CFAP74: variants seen among roughly 807,000 people sequenced by gnomAD.
CFAP74 encodes cilia- and flagella-associated protein 74.
CFAP74 carries 124 observed loss-of-function variants against 188.9 expected under a neutral mutation model. That is an observed-to-expected ratio of 0.66 (90% confidence interval 0.57 to 0.76). The LOEUF is 0.76. CFAP74 is among the 30% of genes least tolerant of loss of function. CFAP74 has a pLI of 0.00. For missense variants in CFAP74, 2,198 were observed against 2,165.2 expected, an observed-to-expected ratio of 1.02 and a Z score of -0.30; for synonymous variants, 956 against 916.7, an observed-to-expected ratio of 1.04 and a Z score of -0.77.
chr1:1,939,010 G>C (rs531970824), intron 24 of CFAP74, 22 bp from the exon 25 acceptor site: 1 of 1,534,416 alleles, frequency 6.5e-7, no homozygotes, highest in Admixed American at 2.0e-5. Flanking sequence ...AGAGTGCTCT[G>C]AGGGCATGTC....
chr1:1,984,462 G>A (rs1050974624), intron 6 of CFAP74: 1 of 152,292 alleles, frequency 6.6e-6, no homozygotes, highest in Admixed American at 6.5e-5. Flanking sequence ...GTGTCGCAGG[G>A]GACAGTGTTC....
intron 34 of CFAP74, among the ~76,000 whole-genome samples, chr1:1,924,145 C>T (rs1390491370): frequency 1.2e-5 from 1 of 85,970 alleles, no homozygotes; most frequent in East Asian, 4.3e-4. Flanking sequence ...TCACTGCCCA[C>T]CCCCCCAGCT....
chr1:1,948,594 G>C (rs200300317), intron 18 of CFAP74, among the ~76,000 whole-genome samples: 1 of 122,074 alleles, frequency 8.2e-6, no homozygotes, highest in Non-Finnish European at 1.6e-5. Flanking sequence ...CTTTCTTCTT[G>C]TTTTTTTTTT....
At chr1:1,931,423 C>T (rs1652360689) in intron 25 of CFAP74, among the ~76,000 whole-genome samples, 1 of 97,108 alleles carries the variant, frequency 1.0e-5, no homozygotes, top group Non-Finnish European at 2.0e-5. Context: ...GAGCAAGACC[C>T]CATCTCAATA....
chr1:1,989,446 T>C (rs1657446248), intron 2 of CFAP74, among the ~76,000 whole-genome samples: 1 of 152,192 alleles, frequency 6.6e-6, no homozygotes. Context: ...CCACTCCCTT[T>C]GGACCTCAAC....
At chr1:1,964,704 C>T (rs868165803) in intron 13 of CFAP74, among the ~76,000 whole-genome samples, 184 bp downstream of exon 13, 4 of 152,204 alleles carry the variant, frequency 2.6e-5, no homozygotes, top group South Asian at 2.1e-4. Flanking sequence ...GCAGGAGAAT[C>T]GCTTGAACCC....
chr1:1,938,433 CCTG>C (rs1471776962), intron 25 of CFAP74, among the ~76,000 whole-genome samples: 1 of 151,784 alleles, frequency 6.6e-6, no homozygotes, highest in Non-Finnish European at 1.5e-5. Context: ...CACTCACACT[CCTG>C]CAGGCTCACA....
chr1:1,977,039 G>A (rs1461118552), intron 6 of CFAP74, among the ~76,000 whole-genome samples: 5 of 151,748 alleles, frequency 3.3e-5, no homozygotes, highest in South Asian at 2.1e-4. Context: ...TAGTAGAGAC[G>A]GGGTTTCACC....
Position 1,922,195 on chromosome 1 carries a change from G to A in CFAP74, c.*92C>T, listed in dbSNP as rs1651434266. On this transcript the variant is annotated 3_prime_UTR_variant, in exon 39 of 39. Coordinates refer to ENST00000682832, the MANE Select transcript of CFAP74 (RefSeq NM_001304360.2). ...TTGGAATCTGGCAGAGGATGGCCAG[G>A]TCCCAGGCTCTAGGGTAGTATGACC... 1.1e-6 allele frequency: 1 copy of A among 945,618 alleles called. No homozygotes were observed. Among genetic ancestry groups the A allele is most frequent in the South Asian group, 1.5e-5 (1 of 66,540 alleles). The allele number at this position is 945,618 out of a possible 1,614,324, so 58.6% of individuals were successfully genotyped here.
chr1:1,940,480 T>G, intron 22 of CFAP74, 77 bp from the exon 23 acceptor site: 1 of 981,210 alleles, frequency 1.0e-6, no homozygotes, highest in Non-Finnish European at 1.5e-6. Context: ...CTGTCACTGG[T>G]GCTTCTACAT....
chr1:1,989,416 C>T (rs1027824236), intron 2 of CFAP74, among the ~76,000 whole-genome samples: 4 of 152,216 alleles, frequency 2.6e-5, no homozygotes, highest in East Asian at 1.9e-4. Flanking sequence ...GGCCCCCGAG[C>T]GTTCCTTCTG....
chr1:1,930,116 G>A lies in CFAP74; in HGVS notation c.3232C>T (p.Pro1078Ser), dbSNP rs767426966. 1.2e-4 allele frequency: 187 copies of A among 1,535,058 alleles called. No individual in the cohort carries two copies. Among genetic ancestry groups the A allele is most frequent in the Non-Finnish European group, 1.6e-4 (183 of 1,146,318 alleles). The change falls in exon 26 of 39, where the codon CCC becomes TCC. Residue 1078 changes from proline to serine, a missense_variant. Pro to Ser is a moderately conservative substitution (Grantham distance 74). Coordinates refer to ENST00000682832, the MANE Select transcript of CFAP74 (RefSeq NM_001304360.2). The stretch of plus-strand genomic sequence containing the variant: ...GAGATGGTGATAGGCGAGTCTGGGG[G>A]CAGCAGGAACTCGAAAGACGTGGGC... Reference protein sequence around the residue: ...MGPTSFEFLLPPDSPITISPS... With the variant: ...MGPTSFEFLLSPDSPITISPS...
At position 1,958,384 on chromosome 1, in the gene CFAP74, G is replaced by A. The variant is rs1250483811; in HGVS notation, c.1851+736C>T. Reference sequence around the variant, plus strand: ...CTTAGGAGATAATGACGTCCCCACTGTCCTCTGGGAGATGCTCGTGCTGCC... The same window carrying A: ...CTTAGGAGATAATGACGTCCCCACTATCCTCTGGGAGATGCTCGTGCTGCC... On this transcript the variant is annotated intron_variant, in intron 16 of 38. Coordinates refer to ENST00000682832, the MANE Select transcript of CFAP74 (RefSeq NM_001304360.2). Among the ~76,000 whole-genome samples the A allele has an allele frequency of 6.6e-5, 10 of 152,370 alleles. 1 individual carries two copies. The South Asian group carries it at 2.1e-3, about 32-fold the overall frequency.
chr1:1,950,334 C>T (rs1200540204), intron 18 of CFAP74, among the ~76,000 whole-genome samples: 5 of 151,144 alleles, frequency 3.3e-5, no homozygotes, highest in Admixed American at 2.6e-4. Flanking sequence ...AGTCTTTTGC[C>T]CATTTTTTTT....
intron 25 of CFAP74, among the ~76,000 whole-genome samples, chr1:1,938,235 T>TTA (rs1653067318): frequency 7.1e-6 from 1 of 141,832 alleles, no homozygotes; most frequent in Non-Finnish European, 1.5e-5. Flanking sequence ...AGTCACATGC[T>TTA]CACACATACA....
At position 1,988,588 on chromosome 1, in the gene CFAP74, C is replaced by T. The variant is rs774937071; in HGVS notation, c.220G>A (p.Ala74Thr). 16 of 1,613,240 alleles carry T rather than the reference C, an allele frequency of 9.9e-6. No individual in the cohort carries two copies. Among genetic ancestry groups the T allele is most frequent in the Non-Finnish European group, 1.7e-6 (2 of 1,180,034 alleles). Residue 74 changes from alanine (A) to threonine (T), a missense_variant, in exon 4 of 39, where the codon GCA (alanine) becomes ACA (threonine). Coordinates refer to ENST00000682832, the MANE Select transcript of CFAP74 (RefSeq NM_001304360.2). ...CTCAGGTTCTGCCGCAGGTGAAATGCCTGCGTTCTGTCCTCAGCTGTTTTC... is the reference window on the plus strand; with the variant it reads ...CTCAGGTTCTGCCGCAGGTGAAATGTCTGCGTTCTGTCCTCAGCTGTTTTC... ...KKKTAEDRTQ[A>T]FHLRQNLSAL...
At chr1:1,929,964 C>T (rs569961835) in intron 26 of CFAP74, 96 bp downstream of exon 26, 2 of 1,334,526 alleles carry the variant, frequency 1.5e-6, no homozygotes, top group South Asian at 3.0e-5. Context: ...GGTTGAAACC[C>T]TGTGGTTAAG....
intron 21 of CFAP74, among the ~76,000 whole-genome samples, chr1:1,943,730 C>T (rs1570874566): frequency 6.6e-6 from 1 of 152,186 alleles, no homozygotes; most frequent in Non-Finnish European, 1.5e-5. Flanking sequence ...CCTGTGGCTG[C>T]TGAAAGGATT....
At chr1:1,948,895 CTCCTTCCCTTCCT>C in intron 18 of CFAP74, among the ~76,000 whole-genome samples, 2 of 56,076 alleles carry the variant, frequency 3.6e-5, no homozygotes, top group Admixed American at 1.9e-4. Flanking sequence ...CCTTCCCTCC[CTCCTTCCCTTCCT>C]TCCTTCCCTT....
Sources: allele counts gnomAD v4.1 joint callset (sites outside exome capture counted in the v4.1 genomes callset), GRCh38; gene constraint gnomAD v4.1.1; transcripts MANE v1.5; gene names NCBI Gene and HGNC (gene_info 2026-07-23, HGNC 2026-07-21).